The following RIBC2 variants were observed in gnomAD, a reference collection of about 807,000 sequenced individuals.
The protein encoded by RIBC2 is RIB43A-like with coiled-coils protein 2.
Under a neutral mutation model 44.3 loss-of-function variants are expected in RIBC2, and 40 were observed. That is an observed-to-expected ratio of 0.90 (90% CI 0.70 to 1.18). The LOEUF (loss-of-function observed/expected upper bound fraction) is 1.18. RIBC2 is among the 50% of genes most tolerant of loss of function. RIBC2 has a pLI of 0.00. For synonymous variants in RIBC2, 171 were observed against 175.0 expected (o/e 0.98, Z 0.18); for missense variants, 459 against 485.5 (o/e 0.95, Z 0.51).
intron 2 of RIBC2, among the ~76,000 whole-genome samples, chr22:45,417,204 G>C (rs961573817): frequency 6.6e-6 from 1 of 152,008 alleles, no homozygotes; most frequent in African/African-American, 2.4e-5. Context: ...CCCAGCCTCA[G>C]GTTTCTTTAT....
At chr22:45,415,976 A>G (rs2087421346) in intron 2 of RIBC2, among the ~76,000 whole-genome samples, 1 of 152,234 alleles carries the variant, frequency 6.6e-6, no homozygotes. Flanking sequence ...TTGGGATTAC[A>G]GGCATGAGCC....
chr22:45,426,003 A>G lies in RIBC2; in HGVS notation c.731A>G (p.Asn244Ser), dbSNP rs1385774073. The change falls in exon 5 of 7, where the codon AAC becomes AGC. Residue 244 changes from asparagine to serine, a missense_variant. Transcript: ENST00000614167. Reference sequence around the variant, plus strand: ...GAGAAAAAGCAAGAACAAGAGGACAACTTGGCCGAGATCACCAACCTCCTG... The same window carrying G: ...GAGAAAAAGCAAGAACAAGAGGACAGCTTGGCCGAGATCACCAACCTCCTG... The part of the protein sequence containing the change: ...KQEKKQEQED[N>S]LAEITNLLRG... 6.8e-6 allele frequency: 11 copies of G among 1,613,896 alleles called. No individual in the cohort carries two copies. Among genetic ancestry groups the G allele is most frequent in the Non-Finnish European group, 9.3e-6 (11 of 1,180,020 alleles).
At chr22:45,430,876 G>A (rs754472028) in intron 5 of RIBC2, 24 bp from the exon 6 acceptor site, 39 of 1,537,762 alleles carry the variant, frequency 2.5e-5, no homozygotes, top group Non-Finnish European at 3.1e-5. Flanking sequence ...AAAGGTGGTG[G>A]TGAGCCGCCT....
chr22:45,419,896 G>C (rs921391871), intron 3 of RIBC2, among the ~76,000 whole-genome samples: 23 of 151,168 alleles, frequency 1.5e-4, no homozygotes, highest in African/African-American at 4.4e-4. Context: ...AGTGGTGGCG[G>C]GTGCCTGTAG....
intron 3 of RIBC2, among the ~76,000 whole-genome samples, chr22:45,420,374 A>G (rs2087466467): frequency 6.6e-6 from 1 of 151,760 alleles, no homozygotes; most frequent in Non-Finnish European, 1.5e-5. Flanking sequence ...CCTATTTTAA[A>G]CCCTGTACCC....
Position 45,416,279 on chromosome 22 carries a change from T to C in RIBC2, c.212-1323T>C, listed in dbSNP as rs1435347381. On this transcript the variant is annotated intron_variant, in intron 2 of 6. Transcript: ENST00000614167. ...GCTGGTTTAGATTTTTTTTTTTCAG[T>C]TGTTTTGTCATTGTGGACACTGCTG... is the stretch of plus-strand genomic sequence containing the variant. Among the ~76,000 whole-genome samples, 6 of 151,966 alleles carry C rather than the reference T, an allele frequency of 3.9e-5. No homozygotes were observed. The East Asian group carries it at 9.6e-4, about 24-fold the overall frequency.
chr22:45,421,821 G>T (rs1479506258), intron 3 of RIBC2, among the ~76,000 whole-genome samples: 1 of 151,474 alleles, frequency 6.6e-6, no homozygotes, highest in Non-Finnish European at 1.5e-5. Context: ...TTACTCATTG[G>T]CCTGACCAAG....
chr22:45,432,128 G>C (rs2087585625), intron 6 of RIBC2, among the ~76,000 whole-genome samples, 156 bp from the exon 7 acceptor site: 1 of 151,858 alleles, frequency 6.6e-6, no homozygotes, highest in South Asian at 2.1e-4. Context: ...GGTTGAGATG[G>C]ATCATTTTGG....
At chr22:45,419,452 G>A (rs5765335) in intron 3 of RIBC2, among the ~76,000 whole-genome samples, 93,799 of 152,122 alleles carry the variant, frequency 0.62, 31,216 homozygotes, top group African/African-American at 0.87. Context: ...AGCATCTCTC[G>A]GCTGGGCGCA....
rs986198604 is a variant in RIBC2, at chr22:45,429,658, G to T, written c.904-1242G>T. ...CAGGGGGCGTGAAGTTCAGGAAGTA[G>T]TCCAAGGTGGAAAGGGCGCCGGGGC... is the stretch of plus-strand genomic sequence containing the variant. On this transcript the variant is annotated intron_variant, in intron 5 of 6. Coordinates refer to ENST00000614167, the MANE Select transcript of RIBC2 (RefSeq NM_015653.5). Among the ~76,000 whole-genome samples, 5 of 152,258 alleles carry T rather than the reference G, an allele frequency of 3.3e-5. No individual in the cohort carries two copies. In the South Asian group the frequency reaches 1.0e-3, roughly 32 times the overall value.
intron 6 of RIBC2, 30 bp downstream of exon 6, chr22:45,431,096 G>A (rs1602123628): frequency 6.4e-7 from 1 of 1,556,610 alleles, no homozygotes; most frequent in African/African-American, 1.4e-5. Flanking sequence ...AGGGCCAGGT[G>A]GGGGACCGGG....
intron 5 of RIBC2, among the ~76,000 whole-genome samples, chr22:45,426,452 T>C (rs1251244839): frequency 2.0e-5 from 3 of 152,160 alleles, no homozygotes; most frequent in Non-Finnish European, 4.4e-5. Flanking sequence ...TGTGTCTACC[T>C]GGGAAAAGGG....
rs2087438994 is a variant in RIBC2, at chr22:45,417,746, A to G, written c.356A>G (p.Asp119Gly). 3.7e-6 allele frequency: 6 copies of G among 1,613,588 alleles called. No homozygotes were observed. The highest frequency in any genetic ancestry group is 1.3e-5 in the African/African-American group (1 of 74,764). The change falls in exon 3 of 7, where the codon GAC becomes GGC. Residue 119 changes from aspartate to glycine, a missense_variant. Transcript: ENST00000614167. ...ACTCGCCGTGAATTTGATCTGTCCG[A>G]CCCCCTAGCCCTTAAGAAAGATCTT... ...PETRREFDLS[D>G]PLALKKDLPA...
chr22:45,426,639 T>G lies in RIBC2; in HGVS notation c.903+464T>G, dbSNP rs1032877322. 6.6e-5 allele frequency among the ~76,000 whole-genome samples: 10 copies of G among 152,324 alleles called. 1 individual carries two copies. Among genetic ancestry groups the G allele is most frequent in the African/African-American group, 2.2e-4 (9 of 41,586 alleles). ...GTCCACTGGGGAGGACTTTGGCTTC[T>G]TCTGTGACGGAGACGGGGAACTCTG... is the stretch of plus-strand genomic sequence containing the variant. On this transcript the variant is annotated intron_variant, in intron 5 of 6. Transcript: ENST00000614167.
At chr22:45,421,334 A>ATT (rs1168208685) in intron 3 of RIBC2, among the ~76,000 whole-genome samples, 21 of 25,904 alleles carry the variant, frequency 8.1e-4, no homozygotes, top group Middle Eastern at 0.026. Context: ...TACTATTATT[A>ATT]ATAATAATAA....
chr22:45,417,724 C>T lies in RIBC2; in HGVS notation c.334C>T (p.Arg112Cys), dbSNP rs1193090973. Reference protein sequence around the residue: ...FQQSFQKPETRREFDLSDPLA... With the variant: ...FQQSFQKPETCREFDLSDPLA... ...ACAGAGCTTTCAGAAGCCAGAAACT[C>T]GCCGTGAATTTGATCTGTCCGACCC... The change falls in exon 3 of 7, where the codon CGC (arginine) becomes TGC (cysteine). Residue 112 changes from arginine (R) to cysteine (C), a missense_variant. Arg to Cys is a radical substitution (Grantham distance 180). Coordinates refer to ENST00000614167, the MANE Select transcript of RIBC2 (RefSeq NM_015653.5). 12 of 1,613,994 alleles carry T rather than the reference C, an allele frequency of 7.4e-6. No homozygotes were observed. The highest frequency in any genetic ancestry group is 2.2e-5 in the South Asian group (2 of 91,082).
chr22:45,431,082 G>C lies in RIBC2; in HGVS notation c.1070+16G>C. The C allele has an allele frequency of 6.4e-7, 1 of 1,562,828 alleles. No homozygotes were observed. Among genetic ancestry groups the C allele is most frequent in the Non-Finnish European group, 8.7e-7 (1 of 1,153,484 alleles). On this transcript the variant is annotated intron_variant, in intron 6 of 6. Transcript: ENST00000614167. ...AGCATTTGCAGTGAGTGCTGGGTGG[G>C]ACCAGGGCCAGGTGGGGGACCGGGT...
intron 4 of RIBC2, among the ~76,000 whole-genome samples, chr22:45,424,060 T>C (rs1234233849): frequency 6.6e-6 from 1 of 152,104 alleles, no homozygotes; most frequent in Non-Finnish European, 1.5e-5. Flanking sequence ...AATTTATTCA[T>C]TCATATATTC....
intron 2 of RIBC2, among the ~76,000 whole-genome samples, chr22:45,415,210 A>G (rs1005711427): frequency 6.6e-5 from 10 of 151,986 alleles, no homozygotes. Flanking sequence ...AAAAAAAAAA[A>G]AAAAAGAAAT....
Sources: gnomAD v4.1 joint callset for allele counts (sites outside exome capture counted in the v4.1 genomes callset) on GRCh38, gnomAD v4.1.1 for gene constraint, MANE v1.5 for transcripts, NCBI Gene and HGNC (gene_info 2026-07-23, HGNC 2026-07-21) for gene names.